The following PXDNL variants were observed in gnomAD, a reference collection of about 807,000 sequenced individuals.
PXDNL encodes probable oxidoreductase PXDNL.
Under a neutral mutation model 150.8 loss-of-function variants are expected in PXDNL, and 145 were observed. The observed-to-expected ratio is 0.96, with a 90% CI of 0.84 to 1.10. The LOEUF (loss-of-function observed/expected upper bound fraction) is 1.10. Ranked by LOEUF, PXDNL falls within the 50% of genes least tolerant of loss-of-function variation. PXDNL has a pLI of 0.00. For synonymous variants in PXDNL, 757 were observed against 725.7 expected, an observed-to-expected ratio of 1.04 and a Z score of -0.69; for missense variants, 2,087 against 1,873.9, an observed-to-expected ratio of 1.11 and a Z score of -2.10.
rs139750358 is a variant in PXDNL at position 51,772,065 on chromosome 8, C to T, written c.164+37116G>A. ...CCCCTCTTCCTCCATGCCCACACCA[C>T]CCCTTGGTGTCTCTCCCTCTCCTGC... On this transcript the variant is annotated intron_variant, in intron 1 of 22. Transcript: ENST00000356297. Among the ~76,000 whole-genome samples, 80 of 152,186 alleles carry T rather than the reference C, an allele frequency of 5.3e-4. 1 individual carries two copies. In the East Asian group the frequency reaches 0.015, roughly 28 times the overall value.
chr8:51,431,949 T>C (rs1809257155), intron 12 of PXDNL, among the ~76,000 whole-genome samples: 1 of 152,214 alleles, frequency 6.6e-6, no homozygotes, highest in African/African-American at 2.4e-5. Context: ...GTTATATATA[T>C]TGCAAATATC....
rs370591746 is a variant in PXDNL, at chr8:51,473,954, A to G, written c.694+1018T>C. Among the ~76,000 whole-genome samples the G allele has an allele frequency of 4.1e-4, 63 of 152,322 alleles. 2 individuals are homozygous for G. In the South Asian group the frequency reaches 0.013, roughly 31 times the overall value. On this transcript the variant is annotated intron_variant, in intron 7 of 22. Coordinates refer to ENST00000356297, the MANE Select transcript of PXDNL (RefSeq NM_144651.5). Reference sequence around the variant, plus strand: ...AGGAGCAAGAAAAATGAAAGCTGGGATATCAGTTAAGATGTGAAGCAATCC... The same window carrying G: ...AGGAGCAAGAAAAATGAAAGCTGGGGTATCAGTTAAGATGTGAAGCAATCC...
chr8:51,639,812 C>T (rs1187952749), intron 2 of PXDNL, among the ~76,000 whole-genome samples: 1 of 152,024 alleles, frequency 6.6e-6, no homozygotes, highest in Non-Finnish European at 1.5e-5. Context: ...GAAACTATTC[C>T]AATCAATAGA....
chr8:51,771,649 A>G (rs1193478729), intron 1 of PXDNL, among the ~76,000 whole-genome samples: 2 of 152,204 alleles, frequency 1.3e-5, no homozygotes, highest in African/African-American at 4.8e-5. Flanking sequence ...AAAGAAAAAG[A>G]AAGACAGAAG....
chr8:51,693,778 C>A (rs759239974), intron 1 of PXDNL, among the ~76,000 whole-genome samples: 2 of 152,106 alleles, frequency 1.3e-5, no homozygotes, highest in Non-Finnish European at 2.9e-5. Flanking sequence ...TCAAAAACAA[C>A]AATAATAGTA....
chr8:51,576,207 A>AC (rs1554554369), intron 3 of PXDNL, among the ~76,000 whole-genome samples: 298 of 151,040 alleles, frequency 2.0e-3, no homozygotes, highest in African/African-American at 5.5e-3. Flanking sequence ...CCAAAAAAAA[A>AC]AAAAAAACAA....
intron 1 of PXDNL, among the ~76,000 whole-genome samples, chr8:51,715,323 C>G: frequency 6.6e-6 from 1 of 152,084 alleles, no homozygotes. Flanking sequence ...TTTTGAATGG[C>G]AAAACAGAGA....
At chr8:51,591,082 T>A (rs78090643) in intron 3 of PXDNL, among the ~76,000 whole-genome samples, 2 of 148,174 alleles carry the variant, frequency 1.3e-5, no homozygotes. Context: ...GCCATTATCA[T>A]GGGAGTGGAT....
intron 3 of PXDNL, among the ~76,000 whole-genome samples, chr8:51,577,928 AAAGAAAG>A (rs1201494824): frequency 2.1e-4 from 7 of 32,912 alleles, no homozygotes; most frequent in Middle Eastern, 0.016. Context: ...GAAAGAAAAG[AAAGAAAG>A]AAAGAAAGAA....
intron 19 of PXDNL, among the ~76,000 whole-genome samples, chr8:51,361,083 C>A (rs1025065523): frequency 4.6e-5 from 7 of 152,222 alleles, no homozygotes; most frequent in African/African-American, 2.4e-5. Context: ...GTGGCCACTG[C>A]TTTCTCACAG....
At chr8:51,705,948 T>C (rs1290987983) in intron 1 of PXDNL, among the ~76,000 whole-genome samples, 1 of 152,220 alleles carries the variant, frequency 6.6e-6, no homozygotes, top group Non-Finnish European at 1.5e-5. Flanking sequence ...AAAGAATAAG[T>C]TAGAAGCAGT....
intron 21 of PXDNL, among the ~76,000 whole-genome samples, chr8:51,328,064 T>G (rs1279577855): frequency 6.6e-6 from 1 of 152,194 alleles, no homozygotes; most frequent in Admixed American, 6.5e-5. Flanking sequence ...CCCTCCATAA[T>G]GTGGGTGGGC....
At chr8:51,744,051 AAGGAAGGAAGGAAGGAAG>A (rs2036939266) in intron 1 of PXDNL, among the ~76,000 whole-genome samples, 1 of 49,248 alleles carries the variant, frequency 2.0e-5, no homozygotes, top group South Asian at 9.1e-4. Flanking sequence ...GGAAGGAAGG[AAGGAAGGAAGGAAGGAAG>A]GAAGGAAGGA....
At chr8:51,626,226 T>C (rs1197702294) in intron 2 of PXDNL, among the ~76,000 whole-genome samples, 2 of 152,246 alleles carry the variant, frequency 1.3e-5, no homozygotes, top group Non-Finnish European at 2.9e-5. Context: ...TCTATCTGCC[T>C]ACTTACCTGT....
At chr8:51,490,423 A>G (rs75276359) in intron 5 of PXDNL, among the ~76,000 whole-genome samples, 4,126 of 152,116 alleles carry the variant, frequency 0.027, 82 homozygotes, top group Non-Finnish European at 0.04. Flanking sequence ...ATATAAAGAT[A>G]ATAACATAGC....
intron 1 of PXDNL, among the ~76,000 whole-genome samples, chr8:51,792,795 C>T (rs1018132570): frequency 1.3e-5 from 2 of 152,218 alleles, no homozygotes; most frequent in Non-Finnish European, 2.9e-5. Context: ...GGAGTTTCCG[C>T]AACTCCAGCC....
At chr8:51,690,027 T>G (rs975807125) in intron 1 of PXDNL, among the ~76,000 whole-genome samples, 1 of 152,210 alleles carries the variant, frequency 6.6e-6, no homozygotes, top group Non-Finnish European at 1.5e-5. Flanking sequence ...AAGAAAGTCA[T>G]GTCCTCCTAA....
chr8:51,750,890 G>C (rs565563126), intron 1 of PXDNL, among the ~76,000 whole-genome samples: 66 of 152,308 alleles, frequency 4.3e-4, no homozygotes, highest in African/African-American at 1.5e-3. Context: ...CATGGAGAAG[G>C]GGGGATGGTT....
At chr8:51,588,608 A>C (rs1280071713) in intron 3 of PXDNL, among the ~76,000 whole-genome samples, 2 of 152,234 alleles carry the variant, frequency 1.3e-5, no homozygotes, top group East Asian at 3.8e-4. Context: ...CCTGCTAATA[A>C]CTGTCATTTT....
Sources: gnomAD v4.1 joint callset for allele counts (sites outside exome capture counted in the v4.1 genomes callset) on GRCh38, gnomAD v4.1.1 for gene constraint, MANE v1.5 for transcripts, NCBI Gene and HGNC (gene_info 2026-07-23, HGNC 2026-07-21) for gene names.